ARHGAP40: variants seen among roughly 807,000 people sequenced by gnomAD.
ARHGAP40 encodes rho GTPase-activating protein 40.
Under a neutral mutation model 73.5 loss-of-function variants are expected in ARHGAP40, and 43 were observed. That is an observed-to-expected ratio of 0.58 (90% CI 0.46 to 0.75). The LOEUF is 0.75. Ranked by LOEUF, ARHGAP40 falls within the 30% of genes least tolerant of loss-of-function variation. ARHGAP40 has a pLI of 0.00. For synonymous variants in ARHGAP40, 300 were observed against 352.8 expected, an observed-to-expected ratio of 0.85 and a Z score of 1.68; for missense variants, 734 against 861.8, an observed-to-expected ratio of 0.85 and a Z score of 1.86.
exon 11 of ARHGAP40, chr20:38,643,819 C>G: frequency 7.7e-7 from 1 of 1,305,548 alleles, no homozygotes; most frequent in Non-Finnish European, 1.0e-6. Flanking sequence ...GGGCGGCCCC[C>G]CAAGCTCCCC....
At position 38,646,106 on chromosome 20, in the gene ARHGAP40, C is replaced by T; in HGVS notation, c.1629C>T (p.Pro543=). Residue 543 remains proline (P), a synonymous_variant, in exon 12 of 15, where the codon CCC becomes CCT. Transcript: ENST00000373345. This position sits in a 1 kb window ranked among gnomAD's most constrained non-coding sequence, Gnocchi z 4.5. ...TGAACGACAGTAGCAGCAGGCGCCC[C>T]CAGCTCTGCGACGCAGGCCTCAAGA... The T allele has an allele frequency of 7.7e-7, 1 of 1,304,264 alleles. No homozygotes were observed. The highest frequency in any genetic ancestry group is 1.0e-6 in the Non-Finnish European group (1 of 988,896). The allele number at this position is 1,304,264 out of a possible 1,614,324, so 80.8% of individuals were successfully genotyped here.
chr20:38,611,110 G>A (rs1351455520), intron 1 of ARHGAP40, among the ~76,000 whole-genome samples: 1 of 152,016 alleles, frequency 6.6e-6, no homozygotes, highest in Non-Finnish European at 1.5e-5. Context: ...GGCTAGTCTC[G>A]AACTCCTGGT....
Position 38,629,016 on chromosome 20 carries a change from A to T in ARHGAP40, c.634+14A>T. 1 of 1,303,316 alleles carries T rather than the reference A, an allele frequency of 7.7e-7. No homozygotes were observed. Among genetic ancestry groups the T allele is most frequent in the Non-Finnish European group, 1.0e-6 (1 of 987,890 alleles). The allele number at this position is 1,303,316 out of a possible 1,614,324, so 80.7% of individuals were successfully genotyped here. On this transcript the variant is annotated intron_variant, in intron 4 of 14. Coordinates refer to ENST00000373345, the Ensembl canonical transcript of ARHGAP40. ...AGTTTCCTCCAGGTAAGTGGTCTTC[A>T]TTCTCCAGGGCCCTGAGAATCCTCC... is the stretch of plus-strand genomic sequence containing the variant.
exon 2 of ARHGAP40, chr20:38,623,403 A>C: frequency 7.7e-7 from 1 of 1,290,906 alleles, no homozygotes; most frequent in Non-Finnish European, 1.0e-6. Context: ...CCCCAGAAGA[A>C]TCTCCTGCGA....
At chr20:38,606,690 A>G (rs992092176) in intron 1 of ARHGAP40, among the ~76,000 whole-genome samples, 1 of 152,186 alleles carries the variant, frequency 6.6e-6, no homozygotes, top group Admixed American at 6.5e-5. Flanking sequence ...TAATGGGTTA[A>G]ATGACTTGGC....
intron 13 of ARHGAP40, 30 bp from the exon 14 acceptor site, chr20:38,648,613 G>GTTT (rs200860020): frequency 9.3e-7 from 1 of 1,071,982 alleles, no homozygotes; most frequent in Non-Finnish European, 1.2e-6. Flanking sequence ...AAAGGCAGTA[G>GTTT]TTTTTTTTTT....
intron 1 of ARHGAP40, chr20:38,615,011 G>A: frequency 1.7e-6 from 2 of 1,172,856 alleles, no homozygotes; most frequent in Middle Eastern, 2.3e-4. Context: ...CGCTGGGGTT[G>A]ATCTCCATCA....
chr20:38,606,340 G>A (rs1238928970), intron 1 of ARHGAP40, among the ~76,000 whole-genome samples: 1 of 152,126 alleles, frequency 6.6e-6, no homozygotes, highest in Admixed American at 6.5e-5. Flanking sequence ...TACATTTTCA[G>A]AATAGGAATC....
rs142625566 is a variant in ARHGAP40, at chr20:38,623,602, T to C, written c.337+44T>C. The C allele has an allele frequency of 8.7e-4, 1,078 of 1,239,690 alleles. 3 individuals are homozygous for C. Among genetic ancestry groups the C allele is most frequent in the Middle Eastern group, 1.6e-3 (7 of 4,408 alleles). The allele number at this position is 1,239,690 out of a possible 1,614,324, so 76.8% of individuals were successfully genotyped here. A position where few individuals can be genotyped will look rare whatever the true frequency, so the allele number is the denominator to read the frequency against. On this transcript the variant is annotated intron_variant, in intron 2 of 14. Transcript: ENST00000373345. ...GGCCTATAGGGGTGGTGGGAGGGCT[T>C]GATTCCAGGCAGAGAAATGTCAGAG...
At chr20:38,628,453 C>T (rs2088916727) in intron 3 of ARHGAP40, among the ~76,000 whole-genome samples, 4 of 152,064 alleles carry the variant, frequency 2.6e-5, no homozygotes, top group South Asian at 2.1e-4. Flanking sequence ...TACAGGCGCC[C>T]GCCACCATGC....
chr20:38,634,570 A>G lies in ARHGAP40; in HGVS notation c.784-50A>G, dbSNP rs1025728533. ...GAGAAGGGGGAGCCCCAAAATACAC[A>G]TCAGACTCATAGCCTGACAAATTGT... On this transcript the variant is annotated intron_variant, in intron 5 of 14. Coordinates refer to ENST00000373345, the Ensembl canonical transcript of ARHGAP40. The G allele has an allele frequency of 5.4e-6, 7 of 1,294,110 alleles. No homozygotes were observed. The African/African-American group carries it at 6.1e-5, about 11-fold the overall frequency. The allele number at this position is 1,294,110 out of a possible 1,614,324, so 80.2% of individuals were successfully genotyped here.
At chr20:38,617,504 C>T (rs1022645314) in intron 1 of ARHGAP40, among the ~76,000 whole-genome samples, 1 of 152,214 alleles carries the variant, frequency 6.6e-6, no homozygotes. Context: ...GACGTGCCCA[C>T]AGCTGCACAG....
chr20:38,611,995 A>T (rs1356828911), intron 1 of ARHGAP40, among the ~76,000 whole-genome samples: 1 of 152,180 alleles, frequency 6.6e-6, no homozygotes, highest in Non-Finnish European at 1.5e-5. Context: ...AAACGCTGGG[A>T]CTACAGGCAT....
At chr20:38,614,165 G>C (rs1041659722) in intron 1 of ARHGAP40, among the ~76,000 whole-genome samples, 2 of 152,198 alleles carry the variant, frequency 1.3e-5, no homozygotes, top group African/African-American at 4.8e-5. Flanking sequence ...TAGTCATCAT[G>C]TACTAAGTTA....
At chr20:38,641,892 T>A in intron 10 of ARHGAP40, 84 bp downstream of exon 10, 1 of 1,042,940 alleles carries the variant, frequency 9.6e-7, no homozygotes, top group Non-Finnish European at 1.3e-6. Flanking sequence ...ATTCATTCAT[T>A]CATTCATTCA....
chr20:38,602,858 G>T (rs2088743251), intron 1 of ARHGAP40, among the ~76,000 whole-genome samples: 1 of 152,136 alleles, frequency 6.6e-6, no homozygotes, highest in African/African-American at 2.4e-5. Flanking sequence ...CACTTTAGTG[G>T]CCTGCCAGGA....
chr20:38,639,399 A>G lies in ARHGAP40; in HGVS notation c.1279+13A>G, dbSNP rs2088999787. The G allele has an allele frequency of 2.3e-6, 3 of 1,305,134 alleles. No homozygotes were observed. The highest frequency in any genetic ancestry group is 3.0e-6 in the Non-Finnish European group (3 of 988,828). 80.8% of individuals were successfully genotyped at this position (1,305,134 alleles called of 1,614,324 possible). A position where few individuals can be genotyped will look rare whatever the true frequency, so the allele number is the denominator to read the frequency against. ...GCCGTGGTGCCTAGTGAGTGTGCCCAAGCCCTTAGCCTGTGCAGGGATGGA... is the reference window on the plus strand; with the variant it reads ...GCCGTGGTGCCTAGTGAGTGTGCCCGAGCCCTTAGCCTGTGCAGGGATGGA... On this transcript the variant is annotated intron_variant, in intron 9 of 14. Transcript: ENST00000373345.
intron 1 of ARHGAP40, chr20:38,615,346 T>C (rs2088829363): frequency 2.6e-6 from 2 of 767,248 alleles, no homozygotes; most frequent in African/African-American, 1.7e-5. Context: ...ACGGGGGTAC[T>C]TCCACTGGTA....
intron 5 of ARHGAP40, among the ~76,000 whole-genome samples, chr20:38,630,521 G>A (rs1411822807): frequency 3.9e-5 from 6 of 152,074 alleles, no homozygotes; most frequent in Admixed American, 1.3e-4. Context: ...GCACCTGGCC[G>A]TTCTTTTTTC....
Sources: gnomAD v4.1 joint callset for allele counts (sites outside exome capture counted in the v4.1 genomes callset) on GRCh38, gnomAD v4.1.1 for gene constraint, Gnocchi (gnomAD v3.1) non-coding constraint, MANE v1.5 for transcripts, NCBI Gene and HGNC (gene_info 2026-07-23, HGNC 2026-07-21) for gene names.